The following PLEKHG7 variants were observed in gnomAD, a reference collection of about 807,000 sequenced individuals.
The protein encoded by PLEKHG7 is pleckstrin homology domain-containing family G member 7.
In PLEKHG7, 77 loss-of-function variants were observed where a neutral mutation model predicts 85.2. The observed-to-expected ratio is 0.90, with a 90% CI of 0.75 to 1.09. The LOEUF is 1.09. Ranked by LOEUF, PLEKHG7 falls within the 50% of genes least tolerant of loss-of-function variation. The probability of loss-of-function intolerance (pLI) is 0.00; values close to 1 mark genes in which losing one functional copy is unlikely to be tolerated. For missense variants in PLEKHG7, 777 were observed against 804.3 expected (o/e 0.97, Z 0.41); for synonymous variants, 301 against 302.4 (o/e 1.00, Z 0.05).
chr12:92,707,766 T>G (rs1404136304), intron 3 of PLEKHG7, 94 bp downstream of exon 3: 1 of 1,593,602 alleles, frequency 6.3e-7, no homozygotes, highest in African/African-American at 1.3e-5. Flanking sequence ...AAGCTGACGG[T>G]GTGTTAACCA....
At position 92,707,607 on chromosome 12, in the gene PLEKHG7, G is replaced by A. The variant is rs766192714; in HGVS notation, c.508-43G>A. 4 of 1,602,846 alleles carry A rather than the reference G, an allele frequency of 2.5e-6. No individual in the cohort carries two copies. The African/African-American group carries it at 4.0e-5, about 16-fold the overall frequency. On this transcript the variant is annotated intron_variant, in intron 2 of 16. Coordinates refer to ENST00000344636, the MANE Select transcript of PLEKHG7 (RefSeq NM_001377329.1). The stretch of plus-strand genomic sequence containing the variant: ...ATGTTTGCTTTGGAGTTTGGGATGG[G>A]TTTGAGCAAGACTAAAACATATGTT...
At position 92,706,609 on chromosome 12, in the gene PLEKHG7, C is replaced by T. The variant is rs1381651687; in HGVS notation, c.-23C>T. 1.9e-6 allele frequency: 3 copies of T among 1,569,756 alleles called. No individual in the cohort carries two copies. The highest frequency in any genetic ancestry group is 1.2e-5 in the South Asian group (1 of 83,880). On this transcript the variant is annotated 5_prime_UTR_variant, in exon 2 of 17. It introduces an in-frame stop codon into an upstream open reading frame of the 5' UTR. Coordinates refer to ENST00000344636, the MANE Select transcript of PLEKHG7 (RefSeq NM_001377329.1). ...TCATACGTCTTCTGGAACCTTCTAC[C>T]AACAGTAGAACCTCTTAGCTTTATG...
intron 7 of PLEKHG7, among the ~76,000 whole-genome samples, chr12:92,739,538 A>G (rs1376856563): frequency 6.6e-6 from 1 of 152,222 alleles, no homozygotes; most frequent in Non-Finnish European, 1.5e-5. Context: ...AAGCTGTCCA[A>G]GCTTTTCAAA....
At chr12:92,743,805 C>A (rs531047024) in intron 9 of PLEKHG7, among the ~76,000 whole-genome samples, 5 of 152,298 alleles carry the variant, frequency 3.3e-5, no homozygotes, top group Admixed American at 2.0e-4. Flanking sequence ...GGTGATCCAC[C>A]TGCCTCGGTC....
intron 1 of PLEKHG7, among the ~76,000 whole-genome samples, chr12:92,703,481 G>C (rs1003332728): frequency 1.3e-5 from 2 of 152,242 alleles, no homozygotes; most frequent in African/African-American, 2.4e-5. Context: ...TTTAGGGAAA[G>C]CTTCCCAGGA....
intron 3 of PLEKHG7, among the ~76,000 whole-genome samples, chr12:92,716,514 G>GC (rs1871498355): frequency 6.6e-6 from 1 of 152,138 alleles, no homozygotes; most frequent in South Asian, 2.1e-4. Context: ...CGTTCTTCCT[G>GC]CCATTCCCTC....
intron 10 of PLEKHG7, chr12:92,749,698 C>T (rs1017465576): frequency 5.3e-5 from 8 of 152,198 alleles, no homozygotes; most frequent in African/African-American, 1.9e-4. Flanking sequence ...TGAGAATTAT[C>T]TCATTAAAAC....
chr12:92,761,626 GAAAGAAAGA>G lies in PLEKHG7; in HGVS notation c.1637-123_1637-115del, dbSNP rs1475054118. 2.0e-4 allele frequency: 13 copies of G among 65,464 alleles called. No individual in the cohort carries two copies. In the East Asian group the frequency reaches 0.01, roughly 51 times the overall value. 4.1% of individuals were successfully genotyped at this position (65,464 alleles called of 1,614,324 possible). On this transcript the variant is annotated intron_variant, in intron 13 of 16. Transcript: ENST00000344636. ...GAAAGAAAAAGAAAGAAAGAAAGAA[GAAAGAAAGA>G]AAGAAAGAAAGAAAGAAAGAAAGAA...
intron 3 of PLEKHG7, among the ~76,000 whole-genome samples, chr12:92,727,956 GTGTGTGTATA>G (rs1458177349): frequency 1.8e-4 from 24 of 135,814 alleles, no homozygotes; most frequent in African/African-American, 6.3e-4. Context: ...GTGTGTGTGT[GTGTGTGTATA>G]TATATATATA....
chr12:92,721,313 T>C, intron 3 of PLEKHG7: 1 of 479,374 alleles, frequency 2.1e-6, no homozygotes, highest in East Asian at 3.6e-5. Flanking sequence ...TGCTGACACA[T>C]GGGTGCACGG....
intron 10 of PLEKHG7, among the ~76,000 whole-genome samples, chr12:92,752,497 T>G (rs982647161): frequency 6.6e-6 from 1 of 151,836 alleles, no homozygotes; most frequent in Non-Finnish European, 1.5e-5. Context: ...ATTGGATTGG[T>G]GGGGGGTTGA....
intron 11 of PLEKHG7, 35 bp downstream of exon 11, chr12:92,754,299 A>G (rs1872767568): frequency 6.3e-7 from 1 of 1,599,960 alleles, no homozygotes; most frequent in Admixed American, 1.7e-5. Flanking sequence ...TAATTACAGA[A>G]TTGTGGCCTT....
Position 92,761,674 on chromosome 12 carries a change from GAA to G in PLEKHG7, c.1637-76_1637-75del. 3.2e-6 allele frequency: 4 copies of G among 1,268,122 alleles called. No homozygotes were observed. The South Asian group carries it at 7.4e-5, about 24-fold the overall frequency. The allele number at this position is 1,268,122 out of a possible 1,614,324, so 78.6% of individuals were successfully genotyped here. ...AGAAAGAAAGAAAGAAAGAAAGAAA[GAA>G]AGAAAGAAAGGGAAAGAAAAACTCT... On this transcript the variant is annotated intron_variant, in intron 13 of 16. Transcript: ENST00000344636.
intron 14 of PLEKHG7, among the ~76,000 whole-genome samples, chr12:92,763,022 C>A (rs902915306): frequency 4.6e-5 from 7 of 152,052 alleles, no homozygotes; most frequent in Non-Finnish European, 7.4e-5. Context: ...ATCTCTACCC[C>A]CTTCAAAAAA....
chr12:92,733,655 C>T (rs1039575600), intron 5 of PLEKHG7, among the ~76,000 whole-genome samples: 2 of 152,116 alleles, frequency 1.3e-5, no homozygotes, highest in Non-Finnish European at 2.9e-5. Context: ...CATCTGAGGT[C>T]TCAGGAGAAG....
At chr12:92,731,477 C>A (rs374671191) in intron 4 of PLEKHG7, among the ~76,000 whole-genome samples, 1 of 152,192 alleles carries the variant, frequency 6.6e-6, no homozygotes, top group Non-Finnish European at 1.5e-5. Flanking sequence ...TATAAGACAT[C>A]CATTTTGTAT....
chr12:92,705,795 C>A (rs759234010), intron 1 of PLEKHG7, among the ~76,000 whole-genome samples: 5 of 152,204 alleles, frequency 3.3e-5, no homozygotes, highest in Non-Finnish European at 7.3e-5. Flanking sequence ...TCCCATGAAT[C>A]AAGCTGTGAA....
rs886263480 is a variant in PLEKHG7 at position 92,771,037 on chromosome 12, CACTT to C, written c.*844_*847del. ...TGTGTGTGTGTTAGCACAGTACAGT[CACTT>C]AATTTTATTTGGCAGGACTTCAAAT... On this transcript the variant is annotated 3_prime_UTR_variant, in exon 17 of 17. Transcript: ENST00000344636. The C allele has an allele frequency of 2.0e-5, 3 of 149,378 alleles. No individual in the cohort carries two copies. Among genetic ancestry groups the C allele is most frequent in the Non-Finnish European group, 3.0e-5 (2 of 67,108 alleles). The allele number at this position is 149,378 out of a possible 1,614,324, so 9.3% of individuals were successfully genotyped here.
intron 10 of PLEKHG7, among the ~76,000 whole-genome samples, chr12:92,748,440 G>A (rs532248863): frequency 3.3e-5 from 5 of 152,040 alleles, no homozygotes; most frequent in African/African-American, 1.2e-4. Context: ...TAGAGACGGG[G>A]CTTCACTATG....
Sources: allele counts gnomAD v4.1 joint callset (sites outside exome capture counted in the v4.1 genomes callset), GRCh38; gene constraint gnomAD v4.1.1; transcripts MANE v1.5; gene names NCBI Gene and HGNC (gene_info 2026-07-23, HGNC 2026-07-21).